PLPP4: variants seen among roughly 807,000 people sequenced by gnomAD.
PLPP4 encodes phospholipid phosphatase 4.
Under a neutral mutation model 32.2 loss-of-function variants are expected in PLPP4, and 20 were observed. The observed-to-expected ratio is 0.62, with a 90% CI of 0.44 to 0.90. PLPP4 has a LOEUF of 0.90. PLPP4 is among the 40% of genes least tolerant of loss of function. The pLI is 0.00. For synonymous variants in PLPP4, 127 were observed against 133.0 expected (o/e 0.95, Z 0.31); for missense variants, 257 against 353.1 (o/e 0.73, Z 2.18).
chr10:120,559,820 TA>T (rs757390912), intron 5 of PLPP4, among the ~76,000 whole-genome samples: 6 of 152,184 alleles, frequency 3.9e-5, no homozygotes, highest in Non-Finnish European at 8.8e-5. Context: ...TATGAAAAGT[TA>T]AAATTTATCA....
chr10:120,464,001 G>T (rs2133777783), intron 1 of PLPP4, among the ~76,000 whole-genome samples: 1 of 152,236 alleles, frequency 6.6e-6, no homozygotes, highest in South Asian at 2.1e-4. Context: ...AAGAGATGGG[G>T]TCTACATTGC....
chr10:120,483,693 A>G (rs1026365110), intron 1 of PLPP4, among the ~76,000 whole-genome samples: 1 of 152,216 alleles, frequency 6.6e-6, no homozygotes, highest in East Asian at 1.9e-4. Context: ...TTAAGAGTAG[A>G]TCAGTGCCCT....
intron 1 of PLPP4, 32 bp downstream of exon 1, chr10:120,457,393 C>A: frequency 6.6e-7 from 1 of 1,522,864 alleles, no homozygotes; most frequent in African/African-American, 1.4e-5. Context: ...GCAGGGCGCA[C>A]TGACGCGGGG....
chr10:120,575,974 G>A (rs1426232617), intron 6 of PLPP4, among the ~76,000 whole-genome samples: 3 of 152,198 alleles, frequency 2.0e-5, no homozygotes, highest in East Asian at 1.9e-4. Flanking sequence ...GAGCTGAGAC[G>A]GAGGTGATGT....
chr10:120,491,582 G>C (rs776026218), intron 1 of PLPP4, among the ~76,000 whole-genome samples: 1 of 151,886 alleles, frequency 6.6e-6, no homozygotes, highest in East Asian at 1.9e-4. Flanking sequence ...CCAATAATAG[G>C]CTGTTTCTTT....
chr10:120,483,534 G>A (rs1205444321), intron 1 of PLPP4, among the ~76,000 whole-genome samples: 1 of 152,194 alleles, frequency 6.6e-6, no homozygotes, highest in Non-Finnish European at 1.5e-5. Flanking sequence ...TCACCACCAT[G>A]GGCCTTGAAT....
chr10:120,526,411 A>T (rs1846392991), intron 5 of PLPP4, among the ~76,000 whole-genome samples: 1 of 152,130 alleles, frequency 6.6e-6, no homozygotes, highest in Non-Finnish European at 1.5e-5. Flanking sequence ...GGCTTCACTG[A>T]GGGTGACTGG....
chr10:120,513,782 TGAGG>T (rs1417173976), intron 2 of PLPP4, 125 bp from the exon 3 acceptor site: 1 of 749,828 alleles, frequency 1.3e-6, no homozygotes, highest in Admixed American at 2.4e-5. Flanking sequence ...TTTGTTTGTT[TGAGG>T]TCAGGAGTTC....
chr10:120,508,510 A>G (rs1845599143), intron 2 of PLPP4, among the ~76,000 whole-genome samples: 3 of 152,176 alleles, frequency 2.0e-5, no homozygotes, highest in African/African-American at 7.2e-5. Flanking sequence ...TCTGGTTGTT[A>G]GAAGTCCTTG....
intron 5 of PLPP4, among the ~76,000 whole-genome samples, chr10:120,554,690 C>A (rs997554602): frequency 1.3e-5 from 2 of 152,148 alleles, no homozygotes; most frequent in East Asian, 1.9e-4. Flanking sequence ...AGGAAACTTA[C>A]AATCATGGCA....
intron 5 of PLPP4, among the ~76,000 whole-genome samples, chr10:120,568,530 C>G (rs558791915): frequency 6.6e-6 from 1 of 152,292 alleles, no homozygotes; most frequent in East Asian, 1.9e-4. Flanking sequence ...TTGGTGGTTT[C>G]TTAAATGTGC....
At chr10:120,475,977 T>G (rs1843884555) in intron 1 of PLPP4, among the ~76,000 whole-genome samples, 1 of 152,210 alleles carries the variant, frequency 6.6e-6, no homozygotes, top group South Asian at 2.1e-4. Flanking sequence ...TCCTGCAGGC[T>G]CGGACATGCA....
chr10:120,565,167 C>A (rs1433934909), intron 5 of PLPP4, among the ~76,000 whole-genome samples: 1 of 152,148 alleles, frequency 6.6e-6, no homozygotes. Flanking sequence ...TAGCTTGATT[C>A]TTTCTCCTTC....
chr10:120,457,291 T>A lies in PLPP4; in HGVS notation c.-15T>A, dbSNP rs927746172. The A allele has an allele frequency of 5.5e-5, 83 of 1,496,114 alleles. No homozygotes were observed. Among genetic ancestry groups the A allele is most frequent in the Non-Finnish European group, 7.2e-5 (81 of 1,118,824 alleles). The allele number at this position is 1,496,114 out of a possible 1,614,324, so 92.7% of individuals were successfully genotyped here. On this transcript the variant is annotated 5_prime_UTR_variant, in exon 1 of 7. Transcript: ENST00000398250. ...GAGCACCAGCTGACGCCGCGGGAGC[T>A]GCTCCGGCCGCACCATGCGGGAGCT...
intron 2 of PLPP4, among the ~76,000 whole-genome samples, chr10:120,506,575 T>G (rs182473077): frequency 2.6e-5 from 4 of 152,338 alleles, no homozygotes; most frequent in Admixed American, 6.5e-5. Context: ...AAGATGAACT[T>G]TCTTTCTTAC....
At chr10:120,503,015 C>G (rs1036891390) in intron 1 of PLPP4, among the ~76,000 whole-genome samples, 1 of 152,224 alleles carries the variant, frequency 6.6e-6, no homozygotes, top group African/African-American at 2.4e-5. Flanking sequence ...CCCCAATCTG[C>G]TAGTCTCTCT....
intron 2 of PLPP4, among the ~76,000 whole-genome samples, chr10:120,511,935 G>T (rs1845744104): frequency 6.6e-6 from 1 of 151,920 alleles, no homozygotes; most frequent in South Asian, 2.1e-4. Flanking sequence ...TACTAAAAAA[G>T]TACAAAAACT....
chr10:120,500,730 A>G (rs1845207839), intron 1 of PLPP4, among the ~76,000 whole-genome samples: 1 of 152,138 alleles, frequency 6.6e-6, no homozygotes. Flanking sequence ...AGCTTGCAAC[A>G]GTTGGTTAGC....
chr10:120,555,466 C>T (rs190123565), intron 5 of PLPP4, among the ~76,000 whole-genome samples: 101 of 152,158 alleles, frequency 6.6e-4, no homozygotes, highest in Admixed American at 1.4e-3. Flanking sequence ...AAAGACTGAA[C>T]AGAAATGAGA....
Sources: allele counts gnomAD v4.1 joint callset (sites outside exome capture counted in the v4.1 genomes callset), GRCh38; gene constraint gnomAD v4.1.1; transcripts MANE v1.5; gene names NCBI Gene and HGNC (gene_info 2026-07-23, HGNC 2026-07-21).